LRMDA: variants seen among roughly 807,000 people sequenced by gnomAD.
LRMDA encodes the protein leucine rich melanocyte differentiation associated.
In LRMDA, 18 loss-of-function variants were observed where a neutral mutation model predicts 29.8. The ratio of observed to expected loss-of-function variants is 0.60; its 90% CI spans 0.42 to 0.90. LRMDA has a LOEUF of 0.90. LRMDA is among the 40% of genes least tolerant of loss of function. The pLI is 0.00. For missense variants in LRMDA, 273 were observed against 273.9 expected (o/e 1.00, Z 0.02); for synonymous variants, 125 against 109.4 (o/e 1.14, Z -0.89).
At chr10:76,125,887 G>A (rs1355682761) in intron 5 of LRMDA, among the ~76,000 whole-genome samples, 2 of 152,212 alleles carry the variant, frequency 1.3e-5, no homozygotes, top group African/African-American at 2.4e-5. Context: ...CTCACCAGTG[G>A]TGAAAGAGCC....
intron 6 of LRMDA, among the ~76,000 whole-genome samples, chr10:76,377,205 G>C (rs1841532659): frequency 6.6e-6 from 1 of 151,984 alleles, no homozygotes; most frequent in Non-Finnish European, 1.5e-5. Context: ...TTTTGAGAAT[G>C]TCTGTTCATA....
intron 2 of LRMDA, among the ~76,000 whole-genome samples, chr10:75,604,140 A>C (rs570469457): frequency 6.6e-6 from 1 of 151,942 alleles, no homozygotes; most frequent in South Asian, 2.1e-4. Flanking sequence ...TCAGTTAACC[A>C]TTCTTTTTTT....
At chr10:76,322,681 A>G (rs902325538) in intron 5 of LRMDA, among the ~76,000 whole-genome samples, 3 of 152,222 alleles carry the variant, frequency 2.0e-5, no homozygotes, top group Non-Finnish European at 4.4e-5. Context: ...CCAAATTGAG[A>G]TTAAAAGTTC....
At chr10:76,007,895 G>A (rs890553555) in intron 2 of LRMDA, among the ~76,000 whole-genome samples, 5 of 152,190 alleles carry the variant, frequency 3.3e-5, no homozygotes, top group African/African-American at 7.2e-5. Context: ...TCTGAATCCA[G>A]TAATTTATTC....
intron 5 of LRMDA, among the ~76,000 whole-genome samples, chr10:76,223,769 C>T (rs1213904867): frequency 6.6e-6 from 1 of 152,182 alleles, no homozygotes; most frequent in African/African-American, 2.4e-5. Context: ...TTGTTTCAGC[C>T]ACCCAGTCTG....
At chr10:76,197,876 C>T (rs1015784678) in intron 5 of LRMDA, among the ~76,000 whole-genome samples, 7 of 151,530 alleles carry the variant, frequency 4.6e-5, no homozygotes, top group East Asian at 1.9e-4. Flanking sequence ...GTCGAGATCG[C>T]GCCACCACAC....
intron 5 of LRMDA, among the ~76,000 whole-genome samples, chr10:76,068,617 C>T (rs1050700593): frequency 4.6e-5 from 7 of 152,214 alleles, no homozygotes; most frequent in South Asian, 2.1e-4. Flanking sequence ...GCTCACCAGC[C>T]GCTCACCTCC....
At chr10:75,762,771 T>C (rs960561734) in intron 2 of LRMDA, among the ~76,000 whole-genome samples, 2 of 152,190 alleles carry the variant, frequency 1.3e-5, no homozygotes, top group African/African-American at 4.8e-5. Context: ...AAGCCCTCGA[T>C]AGATGTTAGT....
At chr10:75,615,852 G>A (rs895663579) in intron 2 of LRMDA, among the ~76,000 whole-genome samples, 5 of 152,098 alleles carry the variant, frequency 3.3e-5, no homozygotes, top group African/African-American at 7.2e-5. Flanking sequence ...CCAAAGTGCC[G>A]GATAATGGGT....
At chr10:75,935,746 G>A (rs1465983078) in intron 2 of LRMDA, among the ~76,000 whole-genome samples, 1 of 152,188 alleles carries the variant, frequency 6.6e-6, no homozygotes, top group African/African-American at 2.4e-5. Flanking sequence ...TTTGGAGAGG[G>A]AGTGGCAGGA....
chr10:75,472,141 C>G (rs1436864672), intron 2 of LRMDA, among the ~76,000 whole-genome samples: 3 of 152,162 alleles, frequency 2.0e-5, no homozygotes, highest in Non-Finnish European at 2.9e-5. Flanking sequence ...CCACTTCTGT[C>G]CAGCTTTTAA....
chr10:75,739,392 T>C (rs1205633757), intron 2 of LRMDA, among the ~76,000 whole-genome samples: 1 of 152,198 alleles, frequency 6.6e-6, no homozygotes, highest in Non-Finnish European at 1.5e-5. Context: ...TTACTTGCCA[T>C]GTACAAAATT....
intron 2 of LRMDA, among the ~76,000 whole-genome samples, chr10:75,871,003 A>T (rs185656217): frequency 6.6e-6 from 1 of 152,290 alleles, no homozygotes; most frequent in East Asian, 1.9e-4. Context: ...ATAGTTTATC[A>T]GTTGCTTAAT....
chr10:75,805,216 C>T (rs1363702193), intron 2 of LRMDA, among the ~76,000 whole-genome samples: 1 of 152,090 alleles, frequency 6.6e-6, no homozygotes, highest in Non-Finnish European at 1.5e-5. Context: ...CCTTTTAGCC[C>T]TAAAGTACTG....
At chr10:76,484,510 G>T (rs1274085564) in intron 6 of LRMDA, among the ~76,000 whole-genome samples, 1 of 151,772 alleles carries the variant, frequency 6.6e-6, no homozygotes, top group African/African-American at 2.4e-5. Context: ...TTTCAACATA[G>T]AATCCTGTAT....
At chr10:75,611,876 C>G (rs1462426323) in intron 2 of LRMDA, among the ~76,000 whole-genome samples, 2 of 152,312 alleles carry the variant, frequency 1.3e-5, no homozygotes, top group East Asian at 3.9e-4. Context: ...GTGTATCAGG[C>G]CTGCAAAAGG....
At chr10:76,533,118 A>G in intron 6 of LRMDA, among the ~76,000 whole-genome samples, 1 of 151,732 alleles carries the variant, frequency 6.6e-6, no homozygotes, top group East Asian at 1.9e-4. Context: ...CAAAACAAAA[A>G]TAACCACTTG....
intron 5 of LRMDA, among the ~76,000 whole-genome samples, chr10:76,195,477 A>G (rs1377879823): frequency 6.6e-6 from 1 of 152,182 alleles, no homozygotes; most frequent in Admixed American, 6.5e-5. Flanking sequence ...ATAGGTAGTG[A>G]AAACTGCTTG....
chr10:76,232,634 A>T (rs1589386533), intron 5 of LRMDA, among the ~76,000 whole-genome samples: 1 of 152,280 alleles, frequency 6.6e-6, no homozygotes, highest in African/African-American at 2.4e-5. Context: ...GCTGCAGGAG[A>T]TGGCCTCTAC....
Sources: gnomAD v4.1 joint callset for allele counts (sites outside exome capture counted in the v4.1 genomes callset) on GRCh38, gnomAD v4.1.1 for gene constraint, MANE v1.5 for transcripts, NCBI Gene and HGNC (gene_info 2026-07-23, HGNC 2026-07-21) for gene names.